CGNL1: variants seen among roughly 807,000 people sequenced by gnomAD.
CGNL1 encodes cingulin like 1.
A neutral mutation model predicts 141.2 loss-of-function variants in CGNL1; 132 were observed. That is an observed-to-expected ratio of 0.93 (90% CI 0.81 to 1.08). The LOEUF is 1.08. Among genes scored for constraint, CGNL1 ranks in the 50% least tolerant of loss-of-function variants. CGNL1 has a pLI of 0.00. For synonymous variants in CGNL1, 690 were observed against 622.1 expected (o/e 1.11, Z -1.63); for missense variants, 1,870 against 1,588.6 (o/e 1.18, Z -3.01).
intron 8 of CGNL1, among the ~76,000 whole-genome samples, chr15:57,471,932 T>C (rs1030458212): frequency 6.6e-6 from 1 of 152,128 alleles, no homozygotes; most frequent in African/African-American, 2.4e-5. Flanking sequence ...GTTATTCAGA[T>C]AATCACATGG....
chr15:57,411,594 C>A (rs1437414988), intron 1 of CGNL1, among the ~76,000 whole-genome samples: 1 of 151,966 alleles, frequency 6.6e-6, no homozygotes, highest in Non-Finnish European at 1.5e-5. Context: ...CAGGTGTCCG[C>A]CACCATGCCA....
chr15:57,518,565 T>C (rs995936284), intron 10 of CGNL1, 68 bp downstream of exon 10: 31 of 1,052,620 alleles, frequency 2.9e-5, no homozygotes, highest in African/African-American at 6.3e-5. Flanking sequence ...ACCAGAGGGA[T>C]GTGTGGAGAT....
In CGNL1 at chr15:57,544,461, G is replaced by A. The variant is rs757556098; in HGVS notation, c.3376-12G>A. On this transcript the variant is annotated splice_polypyrimidine_tract_variant and intron_variant, in intron 15 of 18. Transcript: ENST00000281282. ...ACACATAGCCCCTCACAGTCTCCCT[G>A]TGTTGTTCCAGAACAAGGACTTAAA... The A allele has an allele frequency of 1.2e-6, 2 of 1,614,054 alleles. No homozygotes were observed. The highest frequency in any genetic ancestry group is 1.3e-5 in the African/African-American group (1 of 75,074).
chr15:57,535,647 T>G (rs1411796850), intron 14 of CGNL1, among the ~76,000 whole-genome samples: 2 of 151,968 alleles, frequency 1.3e-5, no homozygotes, highest in African/African-American at 4.8e-5. Context: ...CCATAGGAAA[T>G]GAAAGGAGAT....
At chr15:57,485,543 T>C (rs1263316709) in intron 8 of CGNL1, among the ~76,000 whole-genome samples, 7 of 152,242 alleles carry the variant, frequency 4.6e-5, no homozygotes, top group Admixed American at 4.6e-4. Context: ...AATCTAATTA[T>C]ATTTTCATGT....
rs941581896 is a variant in CGNL1 at position 57,502,419 on chromosome 15, G to T, written c.2404-14361G>T. 4.6e-5 allele frequency among the ~76,000 whole-genome samples: 7 copies of T among 152,208 alleles called. No individual in the cohort carries two copies. The South Asian group carries it at 1.5e-3, about 32-fold the overall frequency. On this transcript the variant is annotated intron_variant, in intron 8 of 18. Transcript: ENST00000281282. ...CTGCTTATCTTCCACAGATATGGGG[G>T]AAGGTGGAAGGAAGTGTTAGAAATT...
At chr15:57,545,824 C>A in intron 17 of CGNL1, 124 bp downstream of exon 17, 1 of 815,936 alleles carries the variant, frequency 1.2e-6, no homozygotes, top group Non-Finnish European at 2.0e-6. Flanking sequence ...TCCCTTTCCA[C>A]GCACCCAGTC....
rs143086347 is a variant in CGNL1, at chr15:57,385,748, C to T, written c.-16+9181C>T. Among the ~76,000 whole-genome samples the T allele has an allele frequency of 5.2e-3, 797 of 152,312 alleles. 7 individuals are homozygous for T. Among genetic ancestry groups the T allele is most frequent in the African/African-American group, 0.018 (763 of 41,572 alleles). ...ACAGGGTCCCCCCAACCTCCCCACC[C>T]GGGGGTACATTTGACAATATCTGGG... is the stretch of plus-strand genomic sequence containing the variant. On this transcript the variant is annotated intron_variant, in intron 1 of 18. Transcript: ENST00000281282.
intron 8 of CGNL1, among the ~76,000 whole-genome samples, chr15:57,481,792 C>T (rs1238213597): frequency 3.9e-5 from 6 of 151,988 alleles, no homozygotes; most frequent in Admixed American, 1.3e-4. Context: ...AGTGCAATTG[C>T]TAGGATGAAT....
intron 14 of CGNL1, among the ~76,000 whole-genome samples, chr15:57,540,965 C>T (rs577874567): frequency 1.3e-5 from 2 of 152,190 alleles, no homozygotes; most frequent in East Asian, 1.9e-4. Context: ...GGTTGAGAGA[C>T]GGGGTGGCTG....
At chr15:57,427,493 T>C (rs552569680) in intron 1 of CGNL1, among the ~76,000 whole-genome samples, 5 of 152,218 alleles carry the variant, frequency 3.3e-5, no homozygotes, top group Non-Finnish European at 5.9e-5. Context: ...CTGCATGGCA[T>C]GGACGCTTCC....
chr15:57,438,475 A>G lies in CGNL1; in HGVS notation c.476A>G (p.Lys159Arg). 6.2e-7 allele frequency: 1 copy of G among 1,614,198 alleles called. No individual in the cohort carries two copies. Among genetic ancestry groups the G allele is most frequent in the Non-Finnish European group, 8.5e-7 (1 of 1,180,042 alleles). Residue 159 changes from lysine to arginine, a missense_variant, in exon 2 of 19, where the codon AAG becomes AGG. Transcript: ENST00000281282. Reference sequence around the variant, plus strand: ...CTTTTGCAACCCTATGACCCTGAAAAGAATGAGTTGAATTTACAAAATCAC... The same window carrying G: ...CTTTTGCAACCCTATGACCCTGAAAGGAATGAGTTGAATTTACAAAATCAC... Reference protein sequence around the residue: ...PELLQPYDPEKNELNLQNHQP... With the variant: ...PELLQPYDPERNELNLQNHQP...
At chr15:57,500,298 G>T (rs1437688639) in intron 8 of CGNL1, among the ~76,000 whole-genome samples, 1 of 152,202 alleles carries the variant, frequency 6.6e-6, no homozygotes, top group Non-Finnish European at 1.5e-5. Flanking sequence ...TGGCAGAGAG[G>T]CCGTGTGTTG....
chr15:57,459,046 T>G (rs1189961379), intron 7 of CGNL1, among the ~76,000 whole-genome samples: 1 of 152,194 alleles, frequency 6.6e-6, no homozygotes, highest in East Asian at 1.9e-4. Context: ...ATCAATAAAA[T>G]GTTTCTTCCC....
chr15:57,409,450 C>T (rs1328436795), intron 1 of CGNL1, among the ~76,000 whole-genome samples: 2 of 152,256 alleles, frequency 1.3e-5, no homozygotes, highest in African/African-American at 4.8e-5. Flanking sequence ...ATGGGGAGAA[C>T]AGGTTGGAGG....
chr15:57,463,147 T>C (rs915182143), intron 8 of CGNL1, among the ~76,000 whole-genome samples: 1 of 152,182 alleles, frequency 6.6e-6, no homozygotes, highest in Non-Finnish European at 1.5e-5. Flanking sequence ...GTGGCTCCTT[T>C]AAGGGCAGTT....
At chr15:57,470,836 T>C (rs1595738856) in intron 8 of CGNL1, among the ~76,000 whole-genome samples, 1 of 152,122 alleles carries the variant, frequency 6.6e-6, no homozygotes, top group African/African-American at 2.4e-5. Flanking sequence ...TTAGGAGAGG[T>C]TTATTGCTTT....
intron 1 of CGNL1, among the ~76,000 whole-genome samples, chr15:57,390,940 G>C (rs2062536153): frequency 6.6e-6 from 1 of 152,080 alleles, no homozygotes; most frequent in Non-Finnish European, 1.5e-5. Context: ...GGAGGCCAGG[G>C]GCTTGCCTCA....
At chr15:57,493,311 TACTA>T (rs2063892171) in intron 8 of CGNL1, among the ~76,000 whole-genome samples, 1 of 152,174 alleles carries the variant, frequency 6.6e-6, no homozygotes, top group Non-Finnish European at 1.5e-5. Flanking sequence ...TTGACAGGGT[TACTA>T]GGCAAGGAGA....
Sources: allele counts gnomAD v4.1 joint callset (sites outside exome capture counted in the v4.1 genomes callset), GRCh38; gene constraint gnomAD v4.1.1; transcripts MANE v1.5; gene names NCBI Gene and HGNC (gene_info 2026-07-23, HGNC 2026-07-21).